The following CDKAL1 variants were observed in gnomAD, a reference collection of about 807,000 sequenced individuals.
CDKAL1 encodes the protein CDKAL1 threonylcarbamoyladenosine tRNA methylthiotransferase, also known as threonylcarbamoyladenosine tRNA methylthiotransferase.
Under a neutral mutation model 68.2 loss-of-function variants are expected in CDKAL1, and 32 were observed. The ratio of observed to expected loss-of-function variants is 0.47; its 90% CI spans 0.35 to 0.63. CDKAL1 has a LOEUF of 0.63. Ranked by LOEUF, CDKAL1 falls within the 30% of genes least tolerant of loss-of-function variation. The probability of loss-of-function intolerance (pLI) is 0.00; values close to 1 mark genes in which losing one functional copy is unlikely to be tolerated. For missense variants in CDKAL1, 606 were observed against 696.7 expected (o/e 0.87, Z 1.47); for synonymous variants, 234 against 244.3 (o/e 0.96, Z 0.39).
chr6:20,691,724 A>G (rs551535473), intron 5 of CDKAL1, among the ~76,000 whole-genome samples: 160 of 152,248 alleles, frequency 1.1e-3, no homozygotes, highest in African/African-American at 3.7e-3. Context: ...AAGAAAGCTC[A>G]TTATGCGTCT....
chr6:20,865,224 C>T (rs1439297211), intron 9 of CDKAL1, among the ~76,000 whole-genome samples: 1 of 152,172 alleles, frequency 6.6e-6, no homozygotes, highest in East Asian at 1.9e-4. Context: ...CTATAGCATG[C>T]TGTTCCTCAG....
intron 13 of CDKAL1, among the ~76,000 whole-genome samples, chr6:21,116,204 G>T (rs1774401430): frequency 6.6e-6 from 1 of 152,060 alleles, no homozygotes; most frequent in Admixed American, 6.6e-5. Context: ...TACTGTAACT[G>T]CAGAGATGGG....
At chr6:20,575,545 A>C (rs1235370370) in intron 4 of CDKAL1, among the ~76,000 whole-genome samples, 2 of 152,028 alleles carry the variant, frequency 1.3e-5, no homozygotes, top group Non-Finnish European at 2.9e-5. Flanking sequence ...TTTTTCTCAT[A>C]ATCTATCAGA....
At chr6:21,048,675 T>C (rs201338) in intron 11 of CDKAL1, among the ~76,000 whole-genome samples, 28,735 of 152,098 alleles carry the variant, frequency 0.19, 2,834 homozygotes, top group Middle Eastern at 0.24. Context: ...TTCTTAATAA[T>C]GGACTGGATA....
chr6:20,784,432 T>TTTTTTTTTTTTTC lies in CDKAL1; in HGVS notation c.638+3176_638+3177insTTTCTTTTTTTTT, dbSNP rs1775578540. On this transcript the variant is annotated intron_variant, in intron 8 of 15. Transcript: ENST00000274695. ...TATTTCTTTTTTTTTTTTTTTTTTT[T>TTTTTTTTTTTTTC]TTTTTTTTTGAGACAGAGTCTCACT... is the stretch of plus-strand genomic sequence containing the variant. 3.8e-5 allele frequency among the ~76,000 whole-genome samples: 3 copies of TTTTTTTTTTTTTC among 78,672 alleles called. 1 individual carries two copies. The highest frequency in any genetic ancestry group is 7.6e-5 in the Non-Finnish European group (3 of 39,470). The allele number at this position is 78,672 out of a possible 152,430, so 51.6% of individuals were successfully genotyped here. A position where few individuals can be genotyped will look rare whatever the true frequency, so the allele number is the denominator to read the frequency against.
chr6:20,817,287 C>A (rs945955417), intron 8 of CDKAL1, among the ~76,000 whole-genome samples: 1 of 151,780 alleles, frequency 6.6e-6, no homozygotes, highest in African/African-American at 2.4e-5. Flanking sequence ...TTCTATATGG[C>A]AGCCCATTTA....
At chr6:21,072,554 CAA>C (rs71540611) in intron 12 of CDKAL1, among the ~76,000 whole-genome samples, 67 of 44,476 alleles carry the variant, frequency 1.5e-3, no homozygotes, top group African/African-American at 2.4e-3. Flanking sequence ...GACTCCGTCT[CAA>C]AAAAAAAAAA....
At chr6:20,558,377 G>T (rs1764142231) in intron 4 of CDKAL1, among the ~76,000 whole-genome samples, 1 of 152,154 alleles carries the variant, frequency 6.6e-6, no homozygotes, top group South Asian at 2.1e-4. Context: ...AAATAAAACA[G>T]CTCACAGTGT....
chr6:21,165,579 C>G (rs938058773), intron 13 of CDKAL1, among the ~76,000 whole-genome samples: 1 of 152,086 alleles, frequency 6.6e-6, no homozygotes, highest in Non-Finnish European at 1.5e-5. Flanking sequence ...TTTGAGAGCT[C>G]GTAGAAGAAA....
intron 11 of CDKAL1, among the ~76,000 whole-genome samples, chr6:21,013,664 A>G (rs908357482): frequency 6.6e-6 from 1 of 152,214 alleles, no homozygotes; most frequent in Non-Finnish European, 1.5e-5. Flanking sequence ...ACTGTCTTCC[A>G]AGTTCTGCAG....
At chr6:21,030,829 G>A (rs1188191466) in intron 11 of CDKAL1, among the ~76,000 whole-genome samples, 2 of 152,098 alleles carry the variant, frequency 1.3e-5, no homozygotes, top group Non-Finnish European at 2.9e-5. Flanking sequence ...GCTCTTTCTG[G>A]GGGATTTTAA....
chr6:20,564,281 A>G (rs1264949554), intron 4 of CDKAL1, among the ~76,000 whole-genome samples: 1 of 152,212 alleles, frequency 6.6e-6, no homozygotes, highest in Admixed American at 6.5e-5. Flanking sequence ...ATGTTATAAA[A>G]TGATAAACTG....
chr6:21,056,136 T>C (rs1770822347), intron 11 of CDKAL1, among the ~76,000 whole-genome samples: 1 of 152,218 alleles, frequency 6.6e-6, no homozygotes, highest in Non-Finnish European at 1.5e-5. Context: ...TGTTGAGCTT[T>C]TTTTCATGTT....
chr6:20,779,783 C>G (rs1457436632), intron 7 of CDKAL1, among the ~76,000 whole-genome samples: 3 of 152,136 alleles, frequency 2.0e-5, no homozygotes, highest in Admixed American at 1.3e-4. Flanking sequence ...TGAGGTTTCA[C>G]CATGCTGGTT....
chr6:21,226,512 G>A (rs940390550), intron 15 of CDKAL1, among the ~76,000 whole-genome samples: 3 of 152,194 alleles, frequency 2.0e-5, no homozygotes, highest in African/African-American at 7.2e-5. Flanking sequence ...GGGAATTTTA[G>A]TGCGCCCCTT....
chr6:20,956,066 T>C (rs1764761395), intron 10 of CDKAL1, among the ~76,000 whole-genome samples: 1 of 152,200 alleles, frequency 6.6e-6, no homozygotes, highest in African/African-American at 2.4e-5. Context: ...GGGGTGAAGT[T>C]GAATCAGAGG....
intron 4 of CDKAL1, among the ~76,000 whole-genome samples, chr6:20,614,918 A>G (rs1766817352): frequency 7.8e-6 from 1 of 127,782 alleles, no homozygotes; most frequent in African/African-American, 2.9e-5. Flanking sequence ...TCCCAGTGCT[A>G]TCCCTCCCCC....
intron 11 of CDKAL1, among the ~76,000 whole-genome samples, chr6:21,056,242 C>G (rs1262560435): frequency 2.0e-5 from 3 of 152,094 alleles, no homozygotes; most frequent in African/African-American, 4.8e-5. Context: ...CCTTCACTTT[C>G]CTTGATAGCT....
intron 4 of CDKAL1, among the ~76,000 whole-genome samples, chr6:20,586,606 C>A (rs1765366193): frequency 6.6e-6 from 1 of 152,170 alleles, no homozygotes; most frequent in Admixed American, 6.5e-5. Context: ...CCACTGCACT[C>A]CGGCCTGGGT....
Sources: allele counts gnomAD v4.1 joint callset (sites outside exome capture counted in the v4.1 genomes callset), GRCh38; gene constraint gnomAD v4.1.1; transcripts MANE v1.5; gene names NCBI Gene and HGNC (gene_info 2026-07-23, HGNC 2026-07-21).